PPP1R9A: variants seen among roughly 807,000 people sequenced by gnomAD.
PPP1R9A encodes protein phosphatase 1 regulatory subunit 9A.
In PPP1R9A, 59 loss-of-function variants were observed where a neutral mutation model predicts 141.9. The observed-to-expected ratio is 0.42, with a 90% confidence interval of 0.34 to 0.52. PPP1R9A has a LOEUF of 0.52. PPP1R9A is among the 20% of genes least tolerant of loss of function. PPP1R9A has a pLI of 0.10. For synonymous variants in PPP1R9A, 500 were observed against 569.7 expected, an observed-to-expected ratio of 0.88 and a Z score of 1.74; for missense variants, 1,444 against 1,611.9, an observed-to-expected ratio of 0.90 and a Z score of 1.78.
intron 6 of PPP1R9A, among the ~76,000 whole-genome samples, chr7:95,201,054 G>A (rs1563405981): frequency 6.7e-6 from 1 of 150,186 alleles, no homozygotes; most frequent in South Asian, 2.1e-4. Flanking sequence ...ATTACTGTTT[G>A]CGGTGATGGA....
In PPP1R9A at chr7:94,911,359, G is replaced by A. The variant is rs757937447; in HGVS notation, c.1246G>A (p.Glu416Lys). 6.2e-7 allele frequency: 1 copy of A among 1,614,128 alleles called. No individual in the cohort carries two copies. Among genetic ancestry groups the A allele is most frequent in the East Asian group, 2.2e-5 (1 of 44,878 alleles). The change falls in exon 2 of 20, where the codon GAG becomes AAG. Residue 416 changes from glutamate to lysine, a missense_variant. Around this residue, in one of 5 missense-constraint regions of PPP1R9A, gnomAD observed 490 missense variants for 521.1 expected, o/e 0.94. Coordinates refer to ENST00000433360, the MANE Select transcript of PPP1R9A (RefSeq NM_001166160.2). ...ATCCAGGTATAATTCAGACTGGGGAGAGACAGGCACTGAGCAGGATGAGGA... is the reference window on the plus strand; with the variant it reads ...ATCCAGGTATAATTCAGACTGGGGAAAGACAGGCACTGAGCAGGATGAGGA... ...VRSRYNSDWG[E>K]TGTEQDEEED...
rs118130807 is a variant in PPP1R9A, at chr7:95,168,283, A to T, written c.1754+6312A>T. On this transcript the variant is annotated intron_variant, in intron 5 of 19. Coordinates refer to ENST00000433360, the MANE Select transcript of PPP1R9A (RefSeq NM_001166160.2). ...TTTTTGACAAAGACACCAAGAACATACATTGGGGAAAGGGCACCCTCTTCA... is the reference window on the plus strand; with the variant it reads ...TTTTTGACAAAGACACCAAGAACATTCATTGGGGAAAGGGCACCCTCTTCA... Among the ~76,000 whole-genome samples the T allele has an allele frequency of 5.2e-3, 784 of 152,230 alleles. 3 individuals are homozygous for T. Among genetic ancestry groups the T allele is most frequent in the East Asian group, 0.025 (127 of 5,182 alleles).
At chr7:94,996,306 G>A (rs182838305) in intron 2 of PPP1R9A, among the ~76,000 whole-genome samples, 19 of 152,118 alleles carry the variant, frequency 1.2e-4, no homozygotes, top group East Asian at 1.9e-4. Context: ...CATAAAAGAC[G>A]TTGATAAATT....
chr7:95,078,129 C>G (rs921045809), intron 2 of PPP1R9A, among the ~76,000 whole-genome samples: 1 of 108,664 alleles, frequency 9.2e-6, no homozygotes, highest in African/African-American at 3.5e-5. Flanking sequence ...ATCCCTCCCC[C>G]CTCCCCCCAC....
intron 7 of PPP1R9A, among the ~76,000 whole-genome samples, chr7:95,218,419 T>C (rs944816665): frequency 1.3e-5 from 2 of 152,172 alleles, no homozygotes; most frequent in Non-Finnish European, 2.9e-5. Flanking sequence ...AAGTGCGATG[T>C]GGTGCTGAGA....
At chr7:95,026,476 G>T (rs1178678808) in intron 2 of PPP1R9A, among the ~76,000 whole-genome samples, 36 of 152,174 alleles carry the variant, frequency 2.4e-4, no homozygotes, top group Non-Finnish European at 2.9e-5. Context: ...GCACCCTCCA[G>T]ATGCCAGCCG....
At chr7:95,096,996 C>G (rs1017052161) in intron 2 of PPP1R9A, among the ~76,000 whole-genome samples, 1 of 152,078 alleles carries the variant, frequency 6.6e-6, no homozygotes, top group Non-Finnish European at 1.5e-5. Context: ...TTTATTACGG[C>G]CCTTATGTTG....
At chr7:94,968,207 C>T (rs1444293479) in intron 2 of PPP1R9A, among the ~76,000 whole-genome samples, 3 of 151,978 alleles carry the variant, frequency 2.0e-5, no homozygotes, top group Admixed American at 6.5e-5. Context: ...GAGTCTCGCT[C>T]TGTCGCCCAG....
chr7:95,082,247 A>G (rs1341350174), intron 2 of PPP1R9A, among the ~76,000 whole-genome samples: 2 of 152,158 alleles, frequency 1.3e-5, no homozygotes, highest in African/African-American at 4.8e-5. Context: ...AAGCTGGGGA[A>G]TTAGATGTTC....
intron 4 of PPP1R9A, among the ~76,000 whole-genome samples, chr7:95,122,857 T>C (rs1822885842): frequency 6.6e-6 from 1 of 152,182 alleles, no homozygotes; most frequent in Non-Finnish European, 1.5e-5. Flanking sequence ...GAGCTAAAAC[T>C]TGTTTGTAAA....
intron 5 of PPP1R9A, among the ~76,000 whole-genome samples, chr7:95,197,876 G>A (rs894786505): frequency 2.0e-5 from 3 of 152,122 alleles, no homozygotes; most frequent in South Asian, 2.1e-4. Flanking sequence ...CTCGAACTCC[G>A]GGCCTCAGGT....
intron 4 of PPP1R9A, among the ~76,000 whole-genome samples, chr7:95,146,574 G>T (rs951384474): frequency 1.3e-5 from 2 of 152,126 alleles, no homozygotes; most frequent in Admixed American, 1.3e-4. Context: ...CTTTGCTCAT[G>T]CCTATGTCCT....
chr7:94,912,906 AC>A (rs1474451797), intron 2 of PPP1R9A, among the ~76,000 whole-genome samples: 1 of 151,188 alleles, frequency 6.6e-6, no homozygotes, highest in Non-Finnish European at 1.5e-5. Flanking sequence ...TTCCTCCCCA[AC>A]CCCCACTGCC....
intron 2 of PPP1R9A, among the ~76,000 whole-genome samples, chr7:95,012,709 G>T (rs1174157626): frequency 6.6e-6 from 1 of 152,156 alleles, no homozygotes; most frequent in Non-Finnish European, 1.5e-5. Flanking sequence ...CTGGAGAAAA[G>T]ATTTCTGACA....
At chr7:94,921,378 C>T (rs1259276708) in intron 2 of PPP1R9A, among the ~76,000 whole-genome samples, 3 of 149,448 alleles carry the variant, frequency 2.0e-5, no homozygotes, top group Non-Finnish European at 4.4e-5. Context: ...ACCCGGGAGG[C>T]GGAAGTTGCA....
chr7:95,259,367 ATAAT>A (rs1331498927), intron 12 of PPP1R9A, among the ~76,000 whole-genome samples: 2 of 152,020 alleles, frequency 1.3e-5, no homozygotes, highest in East Asian at 3.8e-4. Context: ...AAACTTTAAA[ATAAT>A]TAAAAGGTAA....
chr7:95,004,614 C>T (rs17460316), intron 2 of PPP1R9A, among the ~76,000 whole-genome samples: 14,388 of 152,090 alleles, frequency 0.095, 996 homozygotes, highest in South Asian at 0.27. Context: ...CTAAATGAAC[C>T]TTCTTTAGAG....
chr7:95,025,232 A>G (rs1166996085), intron 2 of PPP1R9A, among the ~76,000 whole-genome samples: 1 of 151,868 alleles, frequency 6.6e-6, no homozygotes, highest in Non-Finnish European at 1.5e-5. Context: ...ATGTCTGGCT[A>G]ATTTTTGTAT....
At chr7:95,155,953 T>C (rs1479487837) in intron 4 of PPP1R9A, 1 of 152,206 alleles carries the variant, frequency 6.6e-6, no homozygotes, top group Non-Finnish European at 1.5e-5. Flanking sequence ...TCACTATGCC[T>C]AGTGTCACAA....
Sources: gnomAD v4.1 joint callset for allele counts (sites outside exome capture counted in the v4.1 genomes callset) on GRCh38, gnomAD v4.1.1 for gene constraint, gnomAD v4.1.1 regional missense constraint, MANE v1.5 for transcripts, NCBI Gene and HGNC (gene_info 2026-07-23, HGNC 2026-07-21) for gene names.